The following ENAM variants were observed in gnomAD, a reference collection of about 807,000 sequenced individuals.
The protein encoded by ENAM is amelogenesis imperfecta 2, hypocalcification (autosomal dominant).
Under a neutral mutation model 33.6 loss-of-function variants are expected in ENAM, and 21 were observed. The observed-to-expected ratio is 0.63, with a 90% confidence interval of 0.44 to 0.90. The LOEUF is 0.90. Ranked by LOEUF, ENAM falls within the 40% of genes least tolerant of loss-of-function variation. The pLI is 0.00. For missense variants in ENAM, 1,388 were observed against 1,366.9 expected (o/e 1.02, Z -0.24); for synonymous variants, 473 against 468.4 (o/e 1.01, Z -0.13).
rs1347236037 is a variant in ENAM, at chr4:70,644,759, C to T, written c.3333C>T (p.Asp1111=). 6.2e-7 allele frequency: 1 copy of T among 1,613,880 alleles called. No homozygotes were observed. Among genetic ancestry groups the T allele is most frequent in the Non-Finnish European group, 8.5e-7 (1 of 1,179,778 alleles). Residue 1111 remains aspartate, a synonymous_variant, in exon 9 of 9, where the codon GAC becomes GAT. Transcript: ENST00000396073. ...TEEQFKSINV[D]PLDADEHSPF... is the part of the protein sequence containing the mutation. Reference sequence around the variant, plus strand: ...AACAATTTAAGAGTATAAATGTAGACCCACTTGATGCAGATGAACACAGTC... The same window carrying T: ...AACAATTTAAGAGTATAAATGTAGATCCACTTGATGCAGATGAACACAGTC...
chr4:70,635,011 G>A (rs936577736), intron 6 of ENAM, among the ~76,000 whole-genome samples: 1 of 152,156 alleles, frequency 6.6e-6, no homozygotes, highest in Non-Finnish European at 1.5e-5. Context: ...TCCAGTACTA[G>A]TATGACATAA....
chr4:70,638,481 C>G (rs1346211668), intron 8 of ENAM, among the ~76,000 whole-genome samples: 9 of 85,832 alleles, frequency 1.0e-4, no homozygotes, highest in Non-Finnish European at 1.8e-4. Flanking sequence ...TTTTTTGAGA[C>G]AGGTGGGAGA....
At chr4:70,631,586 G>C in intron 2 of ENAM, 84 bp from the exon 3 acceptor site, 1 of 1,000,838 alleles carries the variant, frequency 1.0e-6, no homozygotes, top group East Asian at 2.4e-5. Flanking sequence ...TGACAGACAA[G>C]TAGGCTAGTA....
Position 70,643,606 on chromosome 4 carries a change from AT to A in ENAM, c.2184del (p.Pro729HisfsTer13). 1 of 1,614,088 alleles carries A rather than the reference AT, an allele frequency of 6.2e-7. No homozygotes were observed. Among genetic ancestry groups the A allele is most frequent in the African/African-American group, 1.3e-5 (1 of 75,024 alleles). On this transcript the variant is annotated frameshift_variant, in exon 9 of 9. Coordinates refer to ENST00000396073, the MANE Select transcript of ENAM (RefSeq NM_031889.3). LOFTEE classifies it low-confidence loss of function (END_TRUNC). ...TTTTACCCATGGAGCCCGGATGAGA[AT>A]TTTCCATCATATAATACAGCTTCTA... Reference protein sequence around the residue: ...SEFYPWSPDENFPSYNTASTM... With the variant: ...SEFYPWSPDEXFPSYNTASTM...
chr4:70,645,076 T>TA lies in ENAM; in HGVS notation c.*227dup. The TA allele has an allele frequency of 1.8e-6, 1 of 563,984 alleles. No homozygotes were observed. The highest frequency in any genetic ancestry group is 3.2e-6 in the Non-Finnish European group (1 of 317,102). The allele number at this position is 563,984 out of a possible 1,614,324, so 34.9% of individuals were successfully genotyped here. A position where few individuals can be genotyped will look rare whatever the true frequency, so the allele number is the denominator to read the frequency against. On this transcript the variant is annotated 3_prime_UTR_variant, in exon 9 of 9. Transcript: ENST00000396073. ...CACTTTCACAGATTAGTGCAGACCT[T>TA]AAAAAAGCAAGAAGGCCATGACCAT...
chr4:70,638,449 CTT>C (rs766513652), intron 8 of ENAM, among the ~76,000 whole-genome samples: 8 of 58,908 alleles, frequency 1.4e-4, no homozygotes, highest in African/African-American at 4.9e-4. Context: ...ACAGATTGTT[CTT>C]TTTTTTTTTT....
chr4:70,638,356 T>G (rs1025370008), intron 8 of ENAM, among the ~76,000 whole-genome samples: 5 of 151,564 alleles, frequency 3.3e-5, no homozygotes, highest in African/African-American at 1.2e-4. Flanking sequence ...CCCACCCCCC[T>G]GGAGCTTACT....
chr4:70,632,121 T>G (rs1464818656), intron 4 of ENAM, among the ~76,000 whole-genome samples: 3 of 152,208 alleles, frequency 2.0e-5, no homozygotes, highest in Admixed American at 2.0e-4. Flanking sequence ...GATGTGGATT[T>G]GTGTTAAAAT....
chr4:70,642,809 T>A lies in ENAM; in HGVS notation c.1383T>A (p.Ser461=). The change falls in exon 9 of 9, where the codon TCT becomes TCA. Residue 461 remains serine, a synonymous_variant. Coordinates refer to ENST00000396073, the MANE Select transcript of ENAM (RefSeq NM_031889.3). ...TKNPTSPWRN[S]QQYEVNKSNY... is the part of the protein sequence containing the mutation. ...ATCCAACCAGCCCCTGGAGAAACTC[T>A]CAACAGTATGAAGTTAATAAATCAA... 6.2e-7 allele frequency: 1 copy of A among 1,614,004 alleles called. No homozygotes were observed. Among genetic ancestry groups the A allele is most frequent in the Non-Finnish European group, 8.5e-7 (1 of 1,179,982 alleles).
Position 70,632,712 on chromosome 4 carries a change from AT to A in ENAM, c.210+23del. The stretch of plus-strand genomic sequence containing the variant: ...CCACATGTAAGTTTTTCTTTATGTT[AT>A]TTCTGATGATTTCTTGTTTATCTAG... On this transcript the variant is annotated intron_variant, in intron 5 of 8. Coordinates refer to ENST00000396073, the MANE Select transcript of ENAM (RefSeq NM_031889.3). 1 of 1,519,598 alleles carries A rather than the reference AT, an allele frequency of 6.6e-7. No individual in the cohort carries two copies. Among genetic ancestry groups the A allele is most frequent in the Middle Eastern group, 1.7e-4 (1 of 5,876 alleles). The allele number at this position is 1,519,598 out of a possible 1,614,324, so 94.1% of individuals were successfully genotyped here. A position where few individuals can be genotyped will look rare whatever the true frequency, so the allele number is the denominator to read the frequency against.
In ENAM at chr4:70,645,213, G is replaced by T; in HGVS notation, c.*358G>T. The T allele has an allele frequency of 4.5e-5, 20 of 439,734 alleles. No individual in the cohort carries two copies. The highest frequency in any genetic ancestry group is 6.2e-4 in the Middle Eastern group (1 of 1,610). The allele number at this position is 439,734 out of a possible 1,614,324, so 27.2% of individuals were successfully genotyped here. A position where few individuals can be genotyped will look rare whatever the true frequency, so the allele number is the denominator to read the frequency against. On this transcript the variant is annotated 3_prime_UTR_variant, in exon 9 of 9. Coordinates refer to ENST00000396073, the MANE Select transcript of ENAM (RefSeq NM_031889.3). ...AAAATTGGTTTTTCAAGACTGAAAG[G>T]CAGATTAACTTTCCATTCTACTTAT...
rs761696596 is a variant in ENAM, at chr4:70,635,897, G to A, written c.534+3G>A. On this transcript the variant is annotated splice_donor_region_variant and intron_variant, in intron 7 of 8. Transcript: ENST00000396073. ...AACCACCATGGCAAATTCCACAGGTGAGAAATTTTTTTTTCTTTACACTGT... is the reference window on the plus strand; with the variant it reads ...AACCACCATGGCAAATTCCACAGGTAAGAAATTTTTTTTTCTTTACACTGT... The A allele has an allele frequency of 1.9e-6, 3 of 1,587,216 alleles. No homozygotes were observed. Among genetic ancestry groups the A allele is most frequent in the Admixed American group, 3.4e-5 (2 of 59,646 alleles).
Position 70,636,751 on chromosome 4 carries a change from A to G in ENAM, c.534+857A>G, listed in dbSNP as rs370528009. Among the ~76,000 whole-genome samples the G allele has an allele frequency of 3.4e-4, 52 of 152,150 alleles. 2 individuals carry two copies. The highest frequency in any genetic ancestry group is 1.2e-3 in the African/African-American group (50 of 41,526). Reference sequence around the variant, plus strand: ...GCCATTGCACTCCAGCCTAGGTGACAGAGCGAGACTCCGTCTCAAAAAAAA... The same window carrying G: ...GCCATTGCACTCCAGCCTAGGTGACGGAGCGAGACTCCGTCTCAAAAAAAA... On this transcript the variant is annotated intron_variant, in intron 7 of 8. Transcript: ENST00000396073.
At position 70,637,780 on chromosome 4, in the gene ENAM, C is replaced by A; in HGVS notation, c.535-10C>A. ...TTTCTCCTGTGTTCACTGTGTTTTT[C>A]ACTTCTCAGAGGTTACCACCACCAG... is the stretch of plus-strand genomic sequence containing the variant. On this transcript the variant is annotated splice_polypyrimidine_tract_variant and intron_variant, in intron 7 of 8. Coordinates refer to ENST00000396073, the MANE Select transcript of ENAM (RefSeq NM_031889.3). 1 of 1,612,312 alleles carries A rather than the reference C, an allele frequency of 6.2e-7. No homozygotes were observed. Among genetic ancestry groups the A allele is most frequent in the Non-Finnish European group, 8.5e-7 (1 of 1,178,370 alleles).
chr4:70,644,434 A>T lies in ENAM; in HGVS notation c.3008A>T (p.Glu1003Val). 2.5e-6 allele frequency: 4 copies of T among 1,614,196 alleles called. No individual in the cohort carries two copies. Among genetic ancestry groups the T allele is most frequent in the Non-Finnish European group, 3.4e-6 (4 of 1,180,020 alleles). Residue 1003 changes from glutamate (E) to valine (V), a missense_variant, in exon 9 of 9, where the codon GAA (glutamate) becomes GTA (valine). Physicochemically the swap from Glu to Val is moderately radical, Grantham distance 121. Coordinates refer to ENST00000396073, the MANE Select transcript of ENAM (RefSeq NM_031889.3). ...DGNNILEQVF[E>V]DNQLNERTVD... Reference sequence around the variant, plus strand: ...AACAACATTCTGGAACAAGTTTTTGAAGACAACCAGCTCAATGAAAGAACT... The same window carrying T: ...AACAACATTCTGGAACAAGTTTTTGTAGACAACCAGCTCAATGAAAGAACT...
intron 7 of ENAM, 179 bp from the exon 8 acceptor site, chr4:70,637,611 T>G (rs1251070120): frequency 3.1e-6 from 2 of 646,894 alleles, no homozygotes; most frequent in African/African-American, 3.6e-5. Context: ...TATTCACTGT[T>G]AGATCATAAT....
At chr4:70,641,962 C>T in intron 8 of ENAM, 53 bp from the exon 9 acceptor site, 1 of 1,367,576 alleles carries the variant, frequency 7.3e-7, no homozygotes, top group Non-Finnish European at 1.0e-6. Flanking sequence ...TTCCAAACAA[C>T]ACCATGGTGG....
intron 8 of ENAM, 69 bp from the exon 9 acceptor site, chr4:70,641,945 TA>T: frequency 8.9e-7 from 1 of 1,120,768 alleles, no homozygotes; most frequent in Non-Finnish European, 1.4e-6. Flanking sequence ...CCTGTTATAC[TA>T]AAAAATTCCA....
Position 70,637,806 on chromosome 4 carries a change from G to A in ENAM, c.551G>A (p.Gly184Asp). 1 of 1,613,698 alleles carries A rather than the reference G, an allele frequency of 6.2e-7. No individual in the cohort carries two copies. The highest frequency in any genetic ancestry group is 8.5e-7 in the Non-Finnish European group (1 of 1,179,684). The change falls in exon 8 of 9, where the codon GGT (glycine) becomes GAT (aspartate). Residue 184 changes from glycine (G) to aspartate (D), a missense_variant. Coordinates refer to ENST00000396073, the MANE Select transcript of ENAM (RefSeq NM_031889.3). ...WQIPQRLPPPGYGRPPISNEE... is the reference protein window; with the variant it reads ...WQIPQRLPPPDYGRPPISNEE... ...ACTTCTCAGAGGTTACCACCACCAG[G>A]TTATGGACGCCCACCAATCAGCAAT...
Sources: gnomAD v4.1 joint callset for allele counts (sites outside exome capture counted in the v4.1 genomes callset) on GRCh38, gnomAD v4.1.1 for gene constraint, MANE v1.5 for transcripts, NCBI Gene and HGNC (gene_info 2026-07-23, HGNC 2026-07-21) for gene names.